COL10A1: variants seen among roughly 807,000 people sequenced by gnomAD.
COL10A1 encodes the protein collagen alpha-1(X) chain.
Under a neutral mutation model 18.2 loss-of-function variants are expected in COL10A1, and 10 were observed. The observed-to-expected ratio is 0.55, with a 90% CI of 0.34 to 0.93. The LOEUF is 0.93. COL10A1 is among the 40% of genes least tolerant of loss of function. COL10A1 has a pLI of 0.02. For synonymous variants in COL10A1, 330 were observed against 316.6 expected (o/e 1.04, Z -0.45); for missense variants, 897 against 853.5 (o/e 1.05, Z -0.64).
At chr6:116,176,362 T>C in the COL10A1 span, among the ~76,000 whole-genome samples, 2 of 152,196 alleles carry the variant, frequency 1.3e-5, no homozygotes, top group Non-Finnish European at 2.9e-5. Flanking sequence ...TTTGCTTCTG[T>C]TGGGCCTGGA....
chr6:116,210,485 G>T, the COL10A1 span, among the ~76,000 whole-genome samples: 69 of 151,986 alleles, frequency 4.5e-4, 1 homozygote, highest in South Asian at 0.014. Context: ...TTCAAATTCC[G>T]ATTCTGCCAC....
upstream of COL10A1, among the ~76,000 whole-genome samples, chr6:116,163,240 T>G (rs189781938): frequency 1.2e-3 from 187 of 149,958 alleles, no homozygotes; most frequent in African/African-American, 3.7e-3. Flanking sequence ...TGGGTTTTTT[T>G]TTGTTGTTGT....
chr6:116,168,812 T>C, the COL10A1 span, among the ~76,000 whole-genome samples: 4 of 152,326 alleles, frequency 2.6e-5, no homozygotes, highest in East Asian at 1.9e-4. Context: ...GGAGAACTTA[T>C]GTTTGCTTCT....
intron 1 of COL10A1, among the ~76,000 whole-genome samples, chr6:116,148,862 G>C (rs1237538546): frequency 6.6e-6 from 1 of 152,048 alleles, no homozygotes; most frequent in African/African-American, 2.4e-5. Flanking sequence ...GAAAATAAGG[G>C]TCTAGCCAAA....
chr6:116,155,771 A>G (rs1049156368), intron 1 of COL10A1, among the ~76,000 whole-genome samples: 2 of 151,616 alleles, frequency 1.3e-5, no homozygotes, highest in African/African-American at 4.8e-5. Flanking sequence ...AAAAAAAAAA[A>G]AGAGGGAGGA....
chr6:116,160,817 G>A (rs552238761), upstream of COL10A1, among the ~76,000 whole-genome samples: 1 of 152,162 alleles, frequency 6.6e-6, no homozygotes, highest in East Asian at 1.9e-4. Flanking sequence ...AGAAATAGGG[G>A]TCCACCAGCC....
At chr6:116,202,890 A>G in the COL10A1 span, among the ~76,000 whole-genome samples, 2 of 152,018 alleles carry the variant, frequency 1.3e-5, no homozygotes, top group Non-Finnish European at 2.9e-5. Flanking sequence ...AGGAGTGAGG[A>G]AAGTACAAAG....
chr6:116,129,823 C>G (rs1160415153), upstream of COL10A1, among the ~76,000 whole-genome samples: 2 of 152,162 alleles, frequency 1.3e-5, no homozygotes, highest in African/African-American at 4.8e-5. Flanking sequence ...ATGCAATTTC[C>G]TGTGATCTAG....
At chr6:116,138,076 CA>C (rs552070297) in intron 1 of COL10A1, among the ~76,000 whole-genome samples, 1 of 148,330 alleles carries the variant, frequency 6.7e-6, no homozygotes, top group African/African-American at 2.5e-5. Context: ...AGACTCTGCT[CA>C]AAAAAAAAGA....
rs774533338 is a variant in COL10A1, at chr6:116,120,650, G to C, written c.1466C>G (p.Thr489Ser). ...TGGACCTGGAGGCCCTGGTGGCCCG[G>C]TGGGTCCATTGAGGCCCTTAGTTGC... The part of the protein sequence containing the change: ...GIATKGLNGP[T>S]GPPGPPGPRG... The change falls in exon 3 of 3, where the codon ACC becomes AGC. Residue 489 changes from threonine (T) to serine (S), a missense_variant. By Grantham distance (58) the Thr-to-Ser change is moderately conservative (BLOSUM62 1). Transcript: ENST00000651968. The C allele has an allele frequency of 6.5e-7, 1 of 1,547,854 alleles. No homozygotes were observed.
intron 1 of COL10A1, among the ~76,000 whole-genome samples, chr6:116,142,480 T>G (rs954973689): frequency 5.3e-5 from 8 of 152,222 alleles, no homozygotes; most frequent in Non-Finnish European, 1.2e-4. Context: ...TAAAACATGT[T>G]AAATGAATTT....
chr6:116,182,049 G>C, the COL10A1 span, among the ~76,000 whole-genome samples: 1 of 151,952 alleles, frequency 6.6e-6, no homozygotes, highest in Non-Finnish European at 1.5e-5. Context: ...CGTCCCCAAA[G>C]TCCAGTGTAT....
At chr6:116,166,844 T>G in the COL10A1 span, among the ~76,000 whole-genome samples, 1 of 152,194 alleles carries the variant, frequency 6.6e-6, no homozygotes, top group Non-Finnish European at 1.5e-5. Flanking sequence ...ACGAAAGGAC[T>G]GAAATTCTGA....
chr6:116,181,615 A>G, the COL10A1 span, among the ~76,000 whole-genome samples: 2 of 152,094 alleles, frequency 1.3e-5, no homozygotes, highest in African/African-American at 4.8e-5. Context: ...TTTTCATTAC[A>G]TTAAAATCAG....
the COL10A1 span, among the ~76,000 whole-genome samples, chr6:116,216,941 A>G: frequency 6.6e-6 from 1 of 152,126 alleles, no homozygotes; most frequent in Non-Finnish European, 1.5e-5. Context: ...AATCTCTTCT[A>G]AATTATATTC....
At chr6:116,135,408 A>C (rs1779564792) in intron 1 of COL10A1, among the ~76,000 whole-genome samples, 1 of 151,610 alleles carries the variant, frequency 6.6e-6, no homozygotes, top group South Asian at 2.1e-4. Context: ...AGCATCCATA[A>C]CCGCCCCCCC....
intron 1 of COL10A1, chr6:116,158,530 A>C (rs1294458786): frequency 6.6e-6 from 1 of 152,208 alleles, no homozygotes; most frequent in Non-Finnish European, 1.5e-5. Flanking sequence ...TTAAATAGTC[A>C]CAGCCAGTAT....
At chr6:116,211,357 T>C in the COL10A1 span, among the ~76,000 whole-genome samples, 1 of 152,082 alleles carries the variant, frequency 6.6e-6, no homozygotes, top group Non-Finnish European at 1.5e-5. Context: ...TAAGCCATCA[T>C]GTTTGAGGTG....
At chr6:116,178,090 C>T in the COL10A1 span, among the ~76,000 whole-genome samples, 63,932 of 102,006 alleles carry the variant, frequency 0.63, 16,277 homozygotes, top group Non-Finnish European at 0.68. Flanking sequence ...TGTGTGTGTG[C>T]GCGCGCGCGC....
Sources: gnomAD v4.1 joint callset for allele counts (sites outside exome capture counted in the v4.1 genomes callset) on GRCh38, gnomAD v4.1.1 for gene constraint, MANE v1.5 for transcripts, NCBI Gene and HGNC (gene_info 2026-07-23, HGNC 2026-07-21) for gene names.